Variants in UPP2 observed in about 807,000 individuals in gnomAD.
UPP2 encodes uridine phosphorylase 2, also known as UPase 2.
In UPP2, 23 loss-of-function variants were observed where a neutral mutation model predicts 26.7. The ratio of observed to expected loss-of-function variants is 0.86; its 90% CI spans 0.62 to 1.22. UPP2 has a LOEUF of 1.22. UPP2 is among the 50% of genes most tolerant of loss of function. The pLI is 0.00. For missense variants in UPP2, 387 were observed against 396.7 expected, an observed-to-expected ratio of 0.98 and a Z score of 0.21; for synonymous variants, 127 against 141.3, an observed-to-expected ratio of 0.90 and a Z score of 0.72.
At chr2:158,014,238 G>T (rs185137624) in intron 2 of UPP2, among the ~76,000 whole-genome samples, 74 of 152,328 alleles carry the variant, frequency 4.9e-4, no homozygotes, top group African/African-American at 1.6e-3. Flanking sequence ...ATGGGGCAGG[G>T]TTAGCAACTA....
chr2:157,996,243 G>C lies in UPP2; in HGVS notation c.61+984G>C, dbSNP rs549190278. ...GCTTTTCTTGGTTTACTATAGCTTT[G>C]GCTATATCTTAGCTTACCATACCTT... On this transcript the variant is annotated intron_variant, in intron 2 of 9. Coordinates refer to the UPP2 transcript ENST00000605860. Among the ~76,000 whole-genome samples, 3 of 152,150 alleles carry C rather than the reference G, an allele frequency of 2.0e-5. No homozygotes were observed. The South Asian group carries it at 6.2e-4, about 32-fold the overall frequency.
chr2:158,093,906 G>C (rs904733854), intron 3 of UPP2, among the ~76,000 whole-genome samples: 1 of 150,630 alleles, frequency 6.6e-6, no homozygotes, highest in East Asian at 1.9e-4. Context: ...GATGTTTACA[G>C]GAAAAAATTG....
exon 2 of UPP2, chr2:157,995,240 G>A: frequency 6.2e-7 from 1 of 1,613,658 alleles, no homozygotes; most frequent in Non-Finnish European, 8.5e-7. Flanking sequence ...ACCAAGAAGT[G>A]GTGAGGACAA....
At chr2:157,996,083 T>C (rs986734284) in intron 2 of UPP2, among the ~76,000 whole-genome samples, 3 of 152,176 alleles carry the variant, frequency 2.0e-5, no homozygotes, top group Non-Finnish European at 4.4e-5. Flanking sequence ...TATTTGGTTT[T>C]CTCCTTCTAG....
At chr2:158,134,612 G>C (rs1574316338) in intron 6 of UPP2, 136 bp from the exon 7 acceptor site, 1 of 1,050,700 alleles carries the variant, frequency 9.5e-7, no homozygotes, top group East Asian at 3.0e-5. Flanking sequence ...GGTTCAGTAG[G>C]TTGCATCTAC....
At chr2:158,075,114 C>T (rs1245712123) in intron 3 of UPP2, among the ~76,000 whole-genome samples, 2 of 151,846 alleles carry the variant, frequency 1.3e-5, no homozygotes, top group African/African-American at 4.8e-5. Flanking sequence ...TTGAAGTACC[C>T]AGATATAAAG....
chr2:158,083,305 C>G (rs1407007939), intron 3 of UPP2, among the ~76,000 whole-genome samples: 4 of 152,108 alleles, frequency 2.6e-5, no homozygotes, highest in African/African-American at 7.2e-5. Flanking sequence ...TGGAACCAAC[C>G]TAAATGTCCA....
At chr2:157,996,086 C>T (rs1471964666) in intron 2 of UPP2, among the ~76,000 whole-genome samples, 1 of 152,136 alleles carries the variant, frequency 6.6e-6, no homozygotes, top group Non-Finnish European at 1.5e-5. Flanking sequence ...TTGGTTTTCT[C>T]CTTCTAGCTG....
chr2:158,005,346 C>G (rs1013485956), intron 2 of UPP2, among the ~76,000 whole-genome samples: 4 of 152,172 alleles, frequency 2.6e-5, no homozygotes, highest in Non-Finnish European at 5.9e-5. Flanking sequence ...CCTGAGAATA[C>G]TGGGAAACTG....
At chr2:158,016,125 T>TAA (rs1324711368) in intron 3 of UPP2, among the ~76,000 whole-genome samples, 5 of 142,958 alleles carry the variant, frequency 3.5e-5, no homozygotes, top group South Asian at 2.2e-4. Flanking sequence ...AACACTTGTT[T>TAA]AAAAAAAAAA....
intron 3 of UPP2, among the ~76,000 whole-genome samples, chr2:158,076,306 TC>T (rs1345498014): frequency 1.3e-5 from 2 of 151,960 alleles, no homozygotes; most frequent in Non-Finnish European, 2.9e-5. Context: ...AGAGAATACT[TC>T]CAAACTTATT....
chr2:158,023,238 G>T (rs895665919), intron 3 of UPP2, among the ~76,000 whole-genome samples: 9 of 139,362 alleles, frequency 6.5e-5, no homozygotes, highest in Admixed American at 3.6e-4. Flanking sequence ...GTTGGGGGGG[G>T]GCATTTGGAA....
intron 3 of UPP2, among the ~76,000 whole-genome samples, chr2:158,117,193 A>T (rs1233868937): frequency 6.6e-6 from 1 of 151,898 alleles, no homozygotes; most frequent in Non-Finnish European, 1.5e-5. Context: ...GCCTGTGTTG[A>T]TCCCTTTTCT....
At chr2:158,092,910 A>C (rs1682931432) in intron 3 of UPP2, among the ~76,000 whole-genome samples, 1 of 152,130 alleles carries the variant, frequency 6.6e-6, no homozygotes, top group Admixed American at 6.5e-5. Context: ...TAACAGAGGG[A>C]AATGGGGTCT....
intron 2 of UPP2, among the ~76,000 whole-genome samples, chr2:158,013,662 A>T (rs371664462): frequency 2.2e-4 from 33 of 152,358 alleles, no homozygotes; most frequent in East Asian, 1.5e-3. Flanking sequence ...ATGGATACAG[A>T]GTTCCTGCGT....
intron 3 of UPP2, among the ~76,000 whole-genome samples, chr2:158,053,378 G>C (rs1246538605): frequency 6.6e-6 from 1 of 152,130 alleles, no homozygotes; most frequent in Admixed American, 6.5e-5. Flanking sequence ...AAATTCTCAA[G>C]GAACAGGTAT....
chr2:158,122,319 T>A lies in UPP2; in HGVS notation c.664+701T>A, dbSNP rs1300360858. On this transcript the variant is annotated intron_variant, in intron 5 of 6. Coordinates refer to ENST00000005756, the MANE Select transcript of UPP2 (RefSeq NM_173355.4). ...CTTTTCAAAATCCATACTATTTCAT[T>A]ATAAATTACTTTTATTTTCCCTTTA... 2.0e-5 allele frequency among the ~76,000 whole-genome samples: 3 copies of A among 152,146 alleles called. No individual in the cohort carries two copies. The East Asian group carries it at 5.8e-4, about 29-fold the overall frequency.
intron 3 of UPP2, among the ~76,000 whole-genome samples, chr2:158,096,097 T>A (rs1392452558): frequency 4.6e-5 from 7 of 152,172 alleles, no homozygotes; most frequent in Non-Finnish European, 1.0e-4. Flanking sequence ...TGCTGGCTGT[T>A]CAGAGTTTTC....
chr2:158,028,597 G>C (rs1373780058), intron 3 of UPP2, among the ~76,000 whole-genome samples: 1 of 152,130 alleles, frequency 6.6e-6, no homozygotes, highest in Non-Finnish European at 1.5e-5. Flanking sequence ...CAGTTCCAAA[G>C]TTGCTTCCAC....
Sources: allele counts gnomAD v4.1 joint callset (sites outside exome capture counted in the v4.1 genomes callset), GRCh38; gene constraint gnomAD v4.1.1; transcripts MANE v1.5; gene names NCBI Gene and HGNC (gene_info 2026-07-23, HGNC 2026-07-21).